The following AIG1 variants were observed in gnomAD, a reference collection of about 807,000 sequenced individuals.
The protein encoded by AIG1 is androgen induced 1, also known as androgen-induced gene 1 protein.
Under a neutral mutation model 31.4 loss-of-function variants are expected in AIG1, and 23 were observed. The observed-to-expected ratio is 0.73, with a 90% CI of 0.53 to 1.04. AIG1 has a LOEUF of 1.04. AIG1 is among the 50% of genes least tolerant of loss of function. The pLI is 0.00. For synonymous variants in AIG1, 100 were observed against 110.5 expected (o/e 0.90, Z 0.60); for missense variants, 274 against 295.0 (o/e 0.93, Z 0.52).
chr6:143,220,962 G>C lies in AIG1; in HGVS notation c.399+55779G>C, dbSNP rs966185064. 2.6e-5 allele frequency among the ~76,000 whole-genome samples: 4 copies of C among 152,118 alleles called. No homozygotes were observed. The East Asian group carries it at 7.7e-4, about 29-fold the overall frequency. ...AGAGAAAGTACGTGGCCTAAGAATG[G>C]ACTTGGGGTCTGGATATCACTAGTT... On this transcript the variant is annotated intron_variant, in intron 3 of 5. Transcript: ENST00000357847.
intron 3 of AIG1, among the ~76,000 whole-genome samples, chr6:143,205,399 G>T (rs573979681): frequency 6.6e-6 from 1 of 152,224 alleles, no homozygotes; most frequent in South Asian, 2.1e-4. Flanking sequence ...TGTTTGATTG[G>T]GTTAATTTAT....
intron 1 of AIG1, 127 bp downstream of exon 1, chr6:143,061,193 G>A: frequency 8.5e-7 from 1 of 1,173,722 alleles, no homozygotes; most frequent in Non-Finnish European, 1.3e-6. Flanking sequence ...GCATCCACCC[G>A]TGTCCTCGCC....
At chr6:143,220,181 C>T (rs1792360322) in intron 3 of AIG1, among the ~76,000 whole-genome samples, 1 of 152,168 alleles carries the variant, frequency 6.6e-6, no homozygotes, top group Non-Finnish European at 1.5e-5. Flanking sequence ...TTTCAGGTTC[C>T]AGCTTGTATG....
At chr6:143,064,067 C>T (rs1375848402) in intron 1 of AIG1, among the ~76,000 whole-genome samples, 3 of 152,132 alleles carry the variant, frequency 2.0e-5, no homozygotes, top group Non-Finnish European at 4.4e-5. Context: ...GGAAAAAGAA[C>T]ACTGTCTTGG....
In AIG1 at chr6:143,264,845, G is replaced by A. The variant is rs558590399; in HGVS notation, c.400-19265G>A. Among the ~76,000 whole-genome samples the A allele has an allele frequency of 2.0e-5, 3 of 152,282 alleles. No homozygotes were observed. In the South Asian group the frequency reaches 6.2e-4, roughly 32 times the overall value. On this transcript the variant is annotated intron_variant, in intron 3 of 5. Coordinates refer to ENST00000357847, the MANE Select transcript of AIG1 (RefSeq NM_016108.4). ...GAACACACCAGCAAGTCTTATTATA[G>A]GCTTGAGAACTCTGAGAAGGATGCG...
intron 3 of AIG1, among the ~76,000 whole-genome samples, chr6:143,205,868 C>T (rs1339343503): frequency 6.6e-6 from 1 of 152,148 alleles, no homozygotes; most frequent in Non-Finnish European, 1.5e-5. Flanking sequence ...AAAGTATCAA[C>T]CGTGAGAATT....
chr6:143,153,178 T>C (rs1785405301), intron 2 of AIG1, among the ~76,000 whole-genome samples: 1 of 152,140 alleles, frequency 6.6e-6, no homozygotes, highest in African/African-American at 2.4e-5. Context: ...TAACTAAAAT[T>C]TGAGTAGGGA....
In AIG1 at chr6:143,288,898, C is replaced by T. The variant is rs1554265546; in HGVS notation, c.515+4673C>T. 1.3e-5 allele frequency among the ~76,000 whole-genome samples: 2 copies of T among 152,140 alleles called. No individual in the cohort carries two copies. The highest frequency in any genetic ancestry group is 2.9e-5 in the Non-Finnish European group (2 of 68,028). ...AAAGAAGTAGTGGGTGGTTACAAGTCATAGGTGAATTCAAAGATTTCTGTG... is the reference window on the plus strand; with the variant it reads ...AAAGAAGTAGTGGGTGGTTACAAGTTATAGGTGAATTCAAAGATTTCTGTG... On this transcript the variant is annotated intron_variant, in intron 4 of 5. Transcript: ENST00000357847. The surrounding 1 kb of genome is among the most constrained non-coding windows in gnomAD (Gnocchi z 4.4).
At chr6:143,315,778 G>C (rs1583846194) in intron 4 of AIG1, among the ~76,000 whole-genome samples, 1 of 151,922 alleles carries the variant, frequency 6.6e-6, no homozygotes. Context: ...AACACCAAAG[G>C]CATGAGAAAA....
chr6:143,103,836 A>G (rs977153494), intron 1 of AIG1, among the ~76,000 whole-genome samples: 2 of 152,246 alleles, frequency 1.3e-5, no homozygotes, highest in South Asian at 2.1e-4. Flanking sequence ...TTCTAACACA[A>G]AATTGTTCAC....
At chr6:143,184,057 G>T (rs931254010) in intron 3 of AIG1, among the ~76,000 whole-genome samples, 5 of 152,184 alleles carry the variant, frequency 3.3e-5, no homozygotes, top group African/African-American at 1.2e-4. Context: ...CAGAATCCTA[G>T]AATCCTAAAC....
intron 1 of AIG1, among the ~76,000 whole-genome samples, chr6:143,103,871 T>A (rs2128485565): frequency 6.6e-6 from 1 of 152,064 alleles, no homozygotes; most frequent in East Asian, 1.9e-4. Flanking sequence ...CCTGGGCCTT[T>A]GAAGAGGTTT....
intron 3 of AIG1, among the ~76,000 whole-genome samples, chr6:143,177,579 GTCTGTGAGTACC>G (rs1326452993): frequency 2.0e-5 from 3 of 152,234 alleles, no homozygotes; most frequent in Non-Finnish European, 4.4e-5. Context: ...CATCATTGGT[GTCTGTGAGTACC>G]TCAGTGGCCT....
chr6:143,304,586 A>T (rs2128701326), intron 4 of AIG1, among the ~76,000 whole-genome samples: 1 of 152,252 alleles, frequency 6.6e-6, no homozygotes, highest in Non-Finnish European at 1.5e-5. Flanking sequence ...CCACTTGATC[A>T]TGGTTGATAA....
downstream of AIG1, chr6:143,343,396 A>T (rs1233511004): frequency 3.6e-6 from 2 of 555,334 alleles, no homozygotes; most frequent in Non-Finnish European, 7.2e-6. Flanking sequence ...CTGGGATTGC[A>T]CAGTACCGGT....
chr6:143,085,426 T>C (rs1778674128), intron 1 of AIG1, among the ~76,000 whole-genome samples: 2 of 152,280 alleles, frequency 1.3e-5, no homozygotes, highest in South Asian at 4.1e-4. Flanking sequence ...TTCCCACCTT[T>C]CTTGACCACA....
chr6:143,117,247 G>A (rs1781817317), intron 1 of AIG1, among the ~76,000 whole-genome samples: 1 of 152,124 alleles, frequency 6.6e-6, no homozygotes, highest in South Asian at 2.1e-4. Flanking sequence ...GTGGCAGGAG[G>A]CAGGGAAGGG....
Position 143,100,575 on chromosome 6 carries a change from C to T in AIG1, c.142-36260C>T, listed in dbSNP as rs568838590. On this transcript the variant is annotated intron_variant, in intron 1 of 5. Transcript: ENST00000357847. ...TTACTAAGTTTAATCTTCTGATGTCCTTATTCTCTTTATTTTAAAAAGCAA... is the reference window on the plus strand; with the variant it reads ...TTACTAAGTTTAATCTTCTGATGTCTTTATTCTCTTTATTTTAAAAAGCAA... 9.7e-4 allele frequency among the ~76,000 whole-genome samples: 147 copies of T among 152,182 alleles called. 1 individual carries two copies. Among genetic ancestry groups the T allele is most frequent in the African/African-American group, 3.4e-3 (141 of 41,518 alleles).
At chr6:143,341,845 CA>C (rs1268439667), downstream of AIG1, among the ~76,000 whole-genome samples, 1 of 152,190 alleles carries the variant, frequency 6.6e-6, no homozygotes, top group African/African-American at 2.4e-5. Flanking sequence ...GCGGTGGCTC[CA>C]CTGATAGCAG....
Sources: gnomAD v4.1 joint callset for allele counts (sites outside exome capture counted in the v4.1 genomes callset) on GRCh38, gnomAD v4.1.1 for gene constraint, Gnocchi (gnomAD v3.1) non-coding constraint, MANE v1.5 for transcripts, NCBI Gene and HGNC (gene_info 2026-07-23, HGNC 2026-07-21) for gene names.